Variants in FAM163A observed in about 807,000 individuals in gnomAD.
FAM163A encodes the protein protein FAM163A.
FAM163A carries 7 observed loss-of-function variants against 12.0 expected under a neutral mutation model. That is an observed-to-expected ratio of 0.58 (90% CI 0.33 to 1.10). The LOEUF (loss-of-function observed/expected upper bound fraction) is 1.10, where lower values mean the gene tolerates loss of function less well. Ranked by LOEUF, FAM163A falls within the 50% of genes least tolerant of loss-of-function variation. The pLI is 0.03. For synonymous variants in FAM163A, 101 were observed against 91.0 expected (o/e 1.11, Z -0.62); for missense variants, 202 against 218.6 (o/e 0.92, Z 0.48).
chr1:179,789,382 T>G (rs1255617649), intron 1 of FAM163A, among the ~76,000 whole-genome samples: 1 of 152,172 alleles, frequency 6.6e-6, no homozygotes, highest in Non-Finnish European at 1.5e-5. Flanking sequence ...GGGTTTCACC[T>G]TGTTGGCCAG....
the FAM163A span, among the ~76,000 whole-genome samples, chr1:179,731,544 A>G: frequency 6.6e-6 from 1 of 152,218 alleles, no homozygotes; most frequent in Non-Finnish European, 1.5e-5. Flanking sequence ...CAACAAGTAA[A>G]TTTATGTGAT....
intron 1 of FAM163A, among the ~76,000 whole-genome samples, chr1:179,764,312 G>A (rs138779987): frequency 1.1e-4 from 17 of 152,246 alleles, no homozygotes; most frequent in Non-Finnish European, 2.1e-4. Context: ...CAGAAGGGGC[G>A]GGAACGACGA....
At chr1:179,750,610 G>A (rs1361156645) in intron 1 of FAM163A, among the ~76,000 whole-genome samples, 3 of 152,162 alleles carry the variant, frequency 2.0e-5, no homozygotes, top group Admixed American at 6.5e-5. Context: ...CAACATGAGC[G>A]GAAGAGGTAG....
intron 1 of FAM163A, among the ~76,000 whole-genome samples, chr1:179,744,469 G>A (rs977189133): frequency 1.3e-5 from 2 of 152,178 alleles, no homozygotes; most frequent in African/African-American, 4.8e-5. Context: ...GGCCCTGGGT[G>A]GGTGGCATCC....
At chr1:179,796,230 C>T (rs146102287) in intron 1 of FAM163A, among the ~76,000 whole-genome samples, 1,670 of 151,880 alleles carry the variant, frequency 0.011, 20 homozygotes, top group Non-Finnish European at 0.016. Flanking sequence ...CCTAAATTGG[C>T]GTATTTCTAT....
intron 1 of FAM163A, among the ~76,000 whole-genome samples, chr1:179,797,253 C>T (rs1191802209): frequency 6.6e-6 from 1 of 152,160 alleles, no homozygotes; most frequent in East Asian, 1.9e-4. Flanking sequence ...TCGAGACCAG[C>T]CTGGCCAACA....
intron 1 of FAM163A, among the ~76,000 whole-genome samples, chr1:179,763,671 C>A (rs1166786431): frequency 2.0e-5 from 3 of 152,184 alleles, no homozygotes; most frequent in African/African-American, 4.8e-5. Flanking sequence ...GCATAGGAGA[C>A]TTTGGAGGAC....
chr1:179,781,154 C>G (rs1049263016), intron 1 of FAM163A, among the ~76,000 whole-genome samples: 1 of 151,872 alleles, frequency 6.6e-6, no homozygotes, highest in African/African-American at 2.4e-5. Context: ...GAGAGAGGAG[C>G]ATGGGGCCTG....
At chr1:179,797,275 C>T (rs938764048) in intron 1 of FAM163A, among the ~76,000 whole-genome samples, 6 of 152,176 alleles carry the variant, frequency 3.9e-5, no homozygotes, top group East Asian at 3.9e-4. Context: ...GGTGAAACCT[C>T]GTCTCTACTA....
chr1:179,812,305 T>C (rs910005500), intron 3 of FAM163A, among the ~76,000 whole-genome samples, 174 bp downstream of exon 3: 1 of 152,152 alleles, frequency 6.6e-6, no homozygotes, highest in African/African-American at 2.4e-5. Flanking sequence ...CTCTGTCCTG[T>C]TCATTCAGCC....
At chr1:179,759,287 CCT>C (rs1686466158) in intron 1 of FAM163A, among the ~76,000 whole-genome samples, 1 of 152,068 alleles carries the variant, frequency 6.6e-6, no homozygotes, top group East Asian at 1.9e-4. Flanking sequence ...GGCAAAATCA[CCT>C]CCCCACTCCC....
the FAM163A span, among the ~76,000 whole-genome samples, chr1:179,736,948 A>G: frequency 6.6e-6 from 1 of 152,226 alleles, no homozygotes; most frequent in African/African-American, 2.4e-5. Context: ...ACATTTCCTC[A>G]AATTTTAAAT....
intron 1 of FAM163A, among the ~76,000 whole-genome samples, chr1:179,786,880 T>A (rs1690706792): frequency 6.6e-6 from 1 of 152,120 alleles, no homozygotes; most frequent in Admixed American, 6.5e-5. Flanking sequence ...CGAGGCCCTT[T>A]CCCGAGGGTC....
At chr1:179,733,631 G>A in the FAM163A span, among the ~76,000 whole-genome samples, 1 of 151,972 alleles carries the variant, frequency 6.6e-6, no homozygotes, top group African/African-American at 2.4e-5. Flanking sequence ...ATAATTTATG[G>A]GAGTTCTCAG....
intron 1 of FAM163A, among the ~76,000 whole-genome samples, chr1:179,745,153 A>G (rs1042773888): frequency 1.4e-4 from 21 of 151,964 alleles, no homozygotes; most frequent in African/African-American, 7.2e-5. Flanking sequence ...GCTGGCGTCC[A>G]GAGGGGAAGT....
chr1:179,765,735 T>C (rs1331614961), intron 1 of FAM163A, among the ~76,000 whole-genome samples: 1 of 151,518 alleles, frequency 6.6e-6, no homozygotes, highest in African/African-American at 2.4e-5. Flanking sequence ...TCGAGACTAT[T>C]GCTTAGATAG....
At chr1:179,741,454 C>G (rs1683628343), upstream of FAM163A, among the ~76,000 whole-genome samples, 1 of 152,220 alleles carries the variant, frequency 6.6e-6, no homozygotes, top group Admixed American at 6.5e-5. Context: ...AAAGATTGCA[C>G]TTGCATACCA....
intron 2 of FAM163A, among the ~76,000 whole-genome samples, chr1:179,809,907 G>A (rs1274432754): frequency 6.6e-6 from 1 of 152,126 alleles, no homozygotes; most frequent in East Asian, 1.9e-4. Context: ...AGAAACCCCT[G>A]AAGCATGGCC....
chr1:179,798,160 G>A (rs1470756554), intron 1 of FAM163A, among the ~76,000 whole-genome samples: 2 of 152,154 alleles, frequency 1.3e-5, no homozygotes, highest in African/African-American at 2.4e-5. Flanking sequence ...AGCCTGGGAA[G>A]TGGAGGTTGC....
Sources: allele counts gnomAD v4.1 joint callset (sites outside exome capture counted in the v4.1 genomes callset), GRCh38; gene constraint gnomAD v4.1.1; transcripts MANE v1.5; gene names NCBI Gene and HGNC (gene_info 2026-07-23, HGNC 2026-07-21).